Variants in SMARCD2 observed in about 807,000 individuals in gnomAD.
The protein encoded by SMARCD2 is SWI/SNF-related matrix-associated actin-dependent regulator of chromatin subfamily D member 2.
In SMARCD2, 39 loss-of-function variants were observed where a neutral mutation model predicts 70.4. The ratio of observed to expected loss-of-function variants is 0.55; its 90% CI spans 0.43 to 0.72. The LOEUF (loss-of-function observed/expected upper bound fraction) is 0.72, where lower values mean the gene tolerates loss of function less well. Among genes scored for constraint, SMARCD2 ranks in the 30% least tolerant of loss-of-function variants. SMARCD2 has a pLI of 0.00. For synonymous variants in SMARCD2, 249 were observed against 279.4 expected (o/e 0.89, Z 1.08); for missense variants, 540 against 713.4 (o/e 0.76, Z 2.77).
chr17:63,842,511 C>T lies in SMARCD2; in HGVS notation c.164G>A (p.Gly55Glu). 8.1e-7 allele frequency: 1 copy of T among 1,230,066 alleles called. No homozygotes were observed. Among genetic ancestry groups the T allele is most frequent in the Non-Finnish European group, 1.0e-6 (1 of 988,666 alleles). The allele number at this position is 1,230,066 out of a possible 1,614,324, so 76.2% of individuals were successfully genotyped here. A position where few individuals can be genotyped will look rare whatever the true frequency, so the allele number is the denominator to read the frequency against. ...GCCCATGGGGCGGAAGGCGGCGGCC[C>T]CGGGGCCCCCCACGCCTCCTGCCGG... The part of the protein sequence containing the change: ...PGPAGGVGGP[G>E]AAAFRPMGPA... Residue 55 changes from glycine (G) to glutamate (E), a missense_variant, in exon 1 of 13, where the codon GGG (glycine) becomes GAG (glutamate). By Grantham distance (98) the Gly-to-Glu change is moderately conservative. Coordinates refer to ENST00000448276, the MANE Select transcript of SMARCD2 (RefSeq NM_001098426.2).
intron 4 of SMARCD2, 67 bp downstream of exon 4, chr17:63,836,855 C>T: frequency 6.4e-7 from 1 of 1,554,982 alleles, no homozygotes; most frequent in Non-Finnish European, 8.8e-7. Context: ...TGCTTGGCCC[C>T]TGGAAAACAA....
In SMARCD2 at chr17:63,834,147, G is replaced by A. The variant is rs370561831; in HGVS notation, c.1083+20C>T. Reference sequence around the variant, plus strand: ...AGGCAAAGCAAGGGCTGAGAAAACGGGGGCTGGCATCTGGCTAACCTGGCG... The same window carrying A: ...AGGCAAAGCAAGGGCTGAGAAAACGAGGGCTGGCATCTGGCTAACCTGGCG... On this transcript the variant is annotated intron_variant, in intron 8 of 12. Transcript: ENST00000448276. The surrounding 1 kb of genome is among the most constrained non-coding windows in gnomAD (Gnocchi z 5.6). The A allele has an allele frequency of 1.9e-5, 30 of 1,608,260 alleles. No homozygotes were observed. Among genetic ancestry groups the A allele is most frequent in the Non-Finnish European group, 2.5e-5 (29 of 1,176,462 alleles).
Position 63,834,889 on chromosome 17 carries a change from G to T in SMARCD2, c.724-89C>A. On this transcript the variant is annotated intron_variant, in intron 5 of 12. Coordinates refer to ENST00000448276, the MANE Select transcript of SMARCD2 (RefSeq NM_001098426.2). This position sits in a 1 kb window ranked among gnomAD's most constrained non-coding sequence, Gnocchi z 5.6. ...CCCAAGAAAGAGAAGCCCCATTTCA[G>T]CCCTGGAGCTCCGGATACTGAAGAT... The T allele has an allele frequency of 2.2e-6, 2 of 916,426 alleles. No homozygotes were observed. The highest frequency in any genetic ancestry group is 3.7e-5 in the Admixed American group (2 of 53,416). The allele number at this position is 916,426 out of a possible 1,614,324, so 56.8% of individuals were successfully genotyped here. A position where few individuals can be genotyped will look rare whatever the true frequency, so the allele number is the denominator to read the frequency against.
At chr17:63,836,025 G>A (rs898671049) in intron 4 of SMARCD2, among the ~76,000 whole-genome samples, 6 of 151,972 alleles carry the variant, frequency 3.9e-5, no homozygotes, top group African/African-American at 1.4e-4. Flanking sequence ...CACCGCACCT[G>A]GCCGGAACTC....
At chr17:63,835,723 C>T in intron 4 of SMARCD2, 156 bp from the exon 5 acceptor site, 1 of 601,028 alleles carries the variant, frequency 1.7e-6, no homozygotes, top group Non-Finnish European at 2.8e-6. Context: ...GTAGTAAGTC[C>T]CAGTCCCAGC....
intron 1 of SMARCD2, chr17:63,839,314 CT>C: frequency 1.2e-6 from 1 of 850,924 alleles, no homozygotes; most frequent in Non-Finnish European, 1.4e-6. Flanking sequence ...AGGAAGCTCC[CT>C]GCTGCAGTGT....
rs1298323490 is a variant in SMARCD2, at chr17:63,834,248, G to C, written c.1002C>G (p.Ala334=). 1 of 1,610,480 alleles carries C rather than the reference G, an allele frequency of 6.2e-7. No individual in the cohort carries two copies. Among genetic ancestry groups the C allele is most frequent in the Middle Eastern group, 1.7e-4 (1 of 6,052 alleles). Residue 334 remains alanine, a synonymous_variant, in exon 8 of 13, where the codon GCC becomes GCG. Transcript: ENST00000448276. The surrounding 1 kb of genome is among the most constrained non-coding windows in gnomAD (Gnocchi z 5.6). ...GGTTGTGCTTGATGTAAAGCCACAGGGCCTGCATGATGGCGGCCCTCGTCT... is the reference window on the plus strand; with the variant it reads ...GGTTGTGCTTGATGTAAAGCCACAGCGCCTGCATGATGGCGGCCCTCGTCT... ...HTQTRAAIMQ[A]LWLYIKHNQL...
intron 1 of SMARCD2, among the ~76,000 whole-genome samples, chr17:63,841,149 G>A (rs552155637): frequency 6.6e-6 from 1 of 152,264 alleles, no homozygotes; most frequent in Non-Finnish European, 1.5e-5. Flanking sequence ...GGACAGCAAG[G>A]TGGGAGAGAT....
intron 1 of SMARCD2, among the ~76,000 whole-genome samples, chr17:63,841,406 C>T (rs1254696192): frequency 1.3e-5 from 2 of 152,196 alleles, no homozygotes; most frequent in Non-Finnish European, 2.9e-5. Flanking sequence ...ACAGCAAACC[C>T]GTAGATGAGC....
rs187460883 is a variant in SMARCD2 at position 63,836,290 on chromosome 17, G to A, written c.567+632C>T. 2.7e-4 allele frequency among the ~76,000 whole-genome samples: 41 copies of A among 151,998 alleles called. No individual in the cohort carries two copies. The East Asian group carries it at 6.8e-3, about 25-fold the overall frequency. Reference sequence around the variant, plus strand: ...TGTAATCTCAGCACTTTGGGAGGCCGAGGCAGTCAGGAGTTCGAGACCAGC... The same window carrying A: ...TGTAATCTCAGCACTTTGGGAGGCCAAGGCAGTCAGGAGTTCGAGACCAGC... On this transcript the variant is annotated intron_variant, in intron 4 of 12. Transcript: ENST00000448276.
Position 63,837,637 on chromosome 17 carries a change from G to C in SMARCD2, c.217-12C>G. 6.2e-7 allele frequency: 1 copy of C among 1,610,534 alleles called. No individual in the cohort carries two copies. The highest frequency in any genetic ancestry group is 1.1e-5 in the South Asian group (1 of 90,742). Reference sequence around the variant, plus strand: ...GACATGCCAGGTCGCTGGGGGAAGTGAGCCAACGGGGGTGCATAGGTCAGG... The same window carrying C: ...GACATGCCAGGTCGCTGGGGGAAGTCAGCCAACGGGGGTGCATAGGTCAGG... On this transcript the variant is annotated splice_polypyrimidine_tract_variant and intron_variant, in intron 1 of 12. Coordinates refer to ENST00000448276, the MANE Select transcript of SMARCD2 (RefSeq NM_001098426.2). This position sits in a 1 kb window ranked among gnomAD's most constrained non-coding sequence, Gnocchi z 6.4.
At chr17:63,842,388 C>CGG in intron 1 of SMARCD2, 71 bp downstream of exon 1, 1 of 1,265,634 alleles carries the variant, frequency 7.9e-7, no homozygotes, top group Non-Finnish European at 1.0e-6. Flanking sequence ...CACTCGAGGC[C>CGG]CCTTCAGCCG....
At position 63,839,371 on chromosome 17, in the gene SMARCD2, G is replaced by A. The variant is rs142794338; in HGVS notation, c.217-1746C>T. 648 of 279,120 alleles carry A rather than the reference G, an allele frequency of 2.3e-3. 1 individual carries two copies. Among genetic ancestry groups the A allele is most frequent in the Admixed American group, 4.9e-3 (76 of 15,414 alleles). The allele number at this position is 279,120 out of a possible 1,614,324, so 17.3% of individuals were successfully genotyped here. On this transcript the variant is annotated intron_variant, in intron 1 of 12. Coordinates refer to ENST00000448276, the MANE Select transcript of SMARCD2 (RefSeq NM_001098426.2). ...CCCATCCCTCCTGGGCAGGTGCTCC[G>A]GTAACAGGAAGTCCCAAGACAAGGC...
Position 63,834,827 on chromosome 17 carries a change from G to A in SMARCD2, c.724-27C>T. 6.9e-7 allele frequency: 1 copy of A among 1,442,156 alleles called. No individual in the cohort carries two copies. Among genetic ancestry groups the A allele is most frequent in the Non-Finnish European group, 9.8e-7 (1 of 1,023,472 alleles). The allele number at this position is 1,442,156 out of a possible 1,614,324, so 89.3% of individuals were successfully genotyped here. ...TGGGGATGGAAAGGGGTGTGAGATG[G>A]TGCTGCTGAGCTCTCAAATCTCAAG... On this transcript the variant is annotated intron_variant, in intron 5 of 12. Coordinates refer to ENST00000448276, the MANE Select transcript of SMARCD2 (RefSeq NM_001098426.2). The surrounding 1 kb of genome is among the most constrained non-coding windows in gnomAD (Gnocchi z 5.6).
chr17:63,834,390 C>A lies in SMARCD2; in HGVS notation c.922-62G>T. On this transcript the variant is annotated intron_variant, in intron 7 of 12. Coordinates refer to ENST00000448276, the MANE Select transcript of SMARCD2 (RefSeq NM_001098426.2). This position sits in a 1 kb window ranked among gnomAD's most constrained non-coding sequence, Gnocchi z 5.6. ...ATAGTAGAACAGTGGGAAAATAGGG[C>A]AGGGACAGGAAGGGTTTCTAGGAAC... The A allele has an allele frequency of 6.3e-7, 1 of 1,580,180 alleles. No individual in the cohort carries two copies. The highest frequency in any genetic ancestry group is 1.1e-5 in the South Asian group (1 of 88,470).
chr17:63,836,517 A>G (rs1366206198), intron 4 of SMARCD2, among the ~76,000 whole-genome samples: 5 of 151,702 alleles, frequency 3.3e-5, no homozygotes, highest in Middle Eastern at 3.2e-3. Flanking sequence ...AAAAAAAAAA[A>G]AAAAAGAAAA....
rs1392442807 is a variant in SMARCD2 at position 63,833,332 on chromosome 17, T to G, written c.1406A>C (p.Gln469Pro). The G allele has an allele frequency of 6.2e-7, 1 of 1,613,998 alleles. No homozygotes were observed. The highest frequency in any genetic ancestry group is 8.5e-7 in the Non-Finnish European group (1 of 1,179,880). Residue 469 changes from glutamine to proline, a missense_variant, in exon 11 of 13, where the codon CAG (glutamine) becomes CCG (proline). Physicochemically the swap from Gln to Pro is moderately conservative, Grantham distance 76. Coordinates refer to ENST00000448276, the MANE Select transcript of SMARCD2 (RefSeq NM_001098426.2). This position sits in a 1 kb window ranked among gnomAD's most constrained non-coding sequence, Gnocchi z 4.3. ...TCGGCGCTGGGAACGGAGCCATTCC[T>G]GGATGAAGTCCTGGGGGTCGGTGCT... ...SFSTDPQDFIQEWLRSQRRDL... is the reference protein window; with the variant it reads ...SFSTDPQDFIPEWLRSQRRDL...
intron 4 of SMARCD2, 84 bp from the exon 5 acceptor site, chr17:63,835,651 C>G: frequency 7.3e-7 from 1 of 1,375,494 alleles, no homozygotes; most frequent in South Asian, 1.3e-5. Context: ...ATGAACCATT[C>G]AACAATCAGT....
chr17:63,833,573 G>T lies in SMARCD2; in HGVS notation c.1317+14C>A. On this transcript the variant is annotated intron_variant, in intron 10 of 12. Coordinates refer to ENST00000448276, the MANE Select transcript of SMARCD2 (RefSeq NM_001098426.2). The surrounding 1 kb of genome is among the most constrained non-coding windows in gnomAD (Gnocchi z 4.3). ...CCTGGGCCCCAGAGGAAGCTGTGGA[G>T]CCAGAGGGCCCACCTTGACATCAAG... The T allele has an allele frequency of 6.2e-7, 1 of 1,613,990 alleles. No individual in the cohort carries two copies. Among genetic ancestry groups the T allele is most frequent in the Non-Finnish European group, 8.5e-7 (1 of 1,179,850 alleles).
Sources: allele counts gnomAD v4.1 joint callset (sites outside exome capture counted in the v4.1 genomes callset), GRCh38; gene constraint gnomAD v4.1.1; non-coding constraint Gnocchi (gnomAD v3.1); transcripts MANE v1.5; gene names NCBI Gene and HGNC (gene_info 2026-07-23, HGNC 2026-07-21).